The following P2RY8 variants were observed in gnomAD, a reference collection of about 807,000 sequenced individuals.
The protein encoded by P2RY8 is P2Y receptor family member 8.
P2RY8 carries 6 observed loss-of-function variants against 10.0 expected under a neutral mutation model. The observed-to-expected ratio is 0.60, with a 90% CI of 0.33 to 1.19. The LOEUF (loss-of-function observed/expected upper bound fraction) is 1.19. Ranked by LOEUF, P2RY8 falls within the 50% of genes most tolerant of loss-of-function variation. P2RY8 has a pLI of 0.04. For missense variants in P2RY8, 456 were observed against 542.0 expected (o/e 0.84, Z 1.58); for synonymous variants, 276 against 252.5 (o/e 1.09, Z -0.88).
chrX:1,468,414 G>A (rs2091723084), intron 1 of P2RY8, among the ~76,000 whole-genome samples: 2 of 152,170 alleles, frequency 1.3e-5, no homozygotes, highest in Admixed American at 1.3e-4. Context: ...GCCATTTCGA[G>A]TCTGTGCCCT....
intron 1 of P2RY8, among the ~76,000 whole-genome samples, chrX:1,522,142 C>T (rs1204756482): frequency 6.6e-6 from 1 of 150,386 alleles, no homozygotes. Flanking sequence ...TTAGTAGAGA[C>T]GGGGGTTTCA....
chrX:1,509,975 A>G (rs1436324458), intron 1 of P2RY8, among the ~76,000 whole-genome samples: 3 of 69,710 alleles, frequency 4.3e-5, no homozygotes, highest in African/African-American at 1.8e-4. Flanking sequence ...GCATCCATCC[A>G]TCCATCCATC....
chrX:1,516,227 C>T (rs866616042), intron 1 of P2RY8, among the ~76,000 whole-genome samples: 1 of 107,876 alleles, frequency 9.3e-6, no homozygotes. Context: ...AAAAAAAAAA[C>T]AGGAAGAGAC....
At chrX:1,496,300 G>T (rs140021132) in intron 1 of P2RY8, among the ~76,000 whole-genome samples, 1 of 152,130 alleles carries the variant, frequency 6.6e-6, no homozygotes, top group Non-Finnish European at 1.5e-5. Flanking sequence ...ATGCTCCCCC[G>T]CCAGCTTCTC....
At chrX:1,516,636 T>C (rs6645239) in intron 1 of P2RY8, among the ~76,000 whole-genome samples, 14,840 of 142,244 alleles carry the variant, frequency 0.1, 834 homozygotes, top group Middle Eastern at 0.17. Flanking sequence ...CAGCCCTGCC[T>C]ACACCTGGAT....
chrX:1,531,766 G>A (rs1402898341), intron 1 of P2RY8, among the ~76,000 whole-genome samples: 20 of 152,192 alleles, frequency 1.3e-4, no homozygotes, highest in African/African-American at 4.1e-4. Context: ...AAGCATCAAC[G>A]CAGTCCTCAA....
chrX:1,468,003 A>G (rs1249438054), intron 1 of P2RY8, among the ~76,000 whole-genome samples: 3 of 151,046 alleles, frequency 2.0e-5, no homozygotes, highest in East Asian at 2.0e-4. Context: ...TTTTATAGAT[A>G]CACAGTTTTG....
At chrX:1,485,418 C>T (rs771335054) in intron 1 of P2RY8, among the ~76,000 whole-genome samples, 26 of 151,728 alleles carry the variant, frequency 1.7e-4, no homozygotes, top group Non-Finnish European at 2.4e-4. Flanking sequence ...GGATTACAGG[C>T]GTGAGCCACT....
intron 1 of P2RY8, among the ~76,000 whole-genome samples, chrX:1,534,371 G>C (rs2092509210): frequency 6.6e-6 from 1 of 151,474 alleles, no homozygotes; most frequent in African/African-American, 2.4e-5. Flanking sequence ...GTGAACCGCA[G>C]AACACTCCCT....
Position 1,497,238 on chromosome X carries a change from A to G in P2RY8, c.-24-30656T>C, listed in dbSNP as rs1368919887. On this transcript the variant is annotated intron_variant, in intron 1 of 1. Coordinates refer to ENST00000381297, the MANE Select transcript of P2RY8 (RefSeq NM_178129.5). ...CTCCGTCTCAAAAAAAAAAAAAAAG[A>G]AAAGAAAAAGAAAAAAAAGAAACTC... Among the ~76,000 whole-genome samples, 70 of 50,870 alleles carry G rather than the reference A, an allele frequency of 1.4e-3. 2 individuals are homozygous for G. The Middle Eastern group carries it at 0.043, about 31-fold the overall frequency. The allele number at this position is 50,870 out of a possible 152,430, so 33.4% of individuals were successfully genotyped here. A position where few individuals can be genotyped will look rare whatever the true frequency, so the allele number is the denominator to read the frequency against.
chrX:1,467,256 T>C (rs1453725612), intron 1 of P2RY8, among the ~76,000 whole-genome samples: 2 of 152,062 alleles, frequency 1.3e-5, no homozygotes, highest in African/African-American at 4.8e-5. Flanking sequence ...AACACCCGCG[T>C]CAACCCACGG....
chrX:1,509,668 TCATCCATC>T (rs749271833), intron 1 of P2RY8, among the ~76,000 whole-genome samples: 18,475 of 122,050 alleles, frequency 0.15, 1,861 homozygotes, highest in Non-Finnish European at 0.22. Flanking sequence ...CTGTATGTGT[TCATCCATC>T]CATCCATCCA....
In P2RY8 at chrX:1,529,917, G is replaced by A. The variant is rs1259044128; in HGVS notation, c.-25+7004C>T. On this transcript the variant is annotated intron_variant, in intron 1 of 1. Transcript: ENST00000381297. ...CAGTTCTGGTTGTCGCAACTGTGGG[G>A]GTGCTCCTGGCATCTGGTGGGTGGA... Among the ~76,000 whole-genome samples, 17 of 151,492 alleles carry A rather than the reference G, an allele frequency of 1.1e-4. 1 individual carries two copies. The South Asian group carries it at 1.3e-3, about 11-fold the overall frequency.
chrX:1,534,122 T>A (rs1464625917), intron 1 of P2RY8, among the ~76,000 whole-genome samples: 1 of 130,024 alleles, frequency 7.7e-6, no homozygotes, highest in Non-Finnish European at 1.5e-5. Context: ...TTTACATATA[T>A]TATATATTTA....
chrX:1,528,924 T>C (rs1280060956), intron 1 of P2RY8, among the ~76,000 whole-genome samples: 2 of 152,228 alleles, frequency 1.3e-5, no homozygotes, highest in Non-Finnish European at 2.9e-5. Flanking sequence ...TTGGAGTCTC[T>C]GAATGTGCGT....
At chrX:1,516,362 A>C (rs1413503930) in intron 1 of P2RY8, among the ~76,000 whole-genome samples, 5 of 152,154 alleles carry the variant, frequency 3.3e-5, no homozygotes, top group African/African-American at 1.2e-4. Context: ...CGGTGTCTAC[A>C]AGCCCAGGAG....
chrX:1,477,261 C>A (rs1346591121), intron 1 of P2RY8, among the ~76,000 whole-genome samples: 27 of 149,378 alleles, frequency 1.8e-4, no homozygotes, highest in African/African-American at 6.2e-4. Context: ...GTTGATCTAA[C>A]CCCTGTCATC....
intron 1 of P2RY8, among the ~76,000 whole-genome samples, chrX:1,471,308 CATTTTTTTT>C (rs2091782727): frequency 2.8e-5 from 2 of 71,110 alleles, no homozygotes; most frequent in African/African-American, 5.2e-5. Flanking sequence ...GCGCCCAGCC[CATTTTTTTT>C]TTTTTTTTTT....
At position 1,487,816 on chromosome X, in the gene P2RY8, A is replaced by G. The variant is rs1296170450; in HGVS notation, c.-24-21234T>C. ...TTGGGGACAAGTCAGAATACGGGTA[A>G]AAAAGAAGGCCGGGCCAGGCGCGGT... On this transcript the variant is annotated intron_variant, in intron 1 of 1. Coordinates refer to ENST00000381297, the MANE Select transcript of P2RY8 (RefSeq NM_178129.5). Among the ~76,000 whole-genome samples the G allele has an allele frequency of 7.9e-5, 12 of 152,138 alleles. 1 individual carries two copies. Among genetic ancestry groups the G allele is most frequent in the Admixed American group, 7.9e-4 (12 of 15,270 alleles).
Sources: allele counts gnomAD v4.1 joint callset (sites outside exome capture counted in the v4.1 genomes callset), GRCh38; gene constraint gnomAD v4.1.1; transcripts MANE v1.5; gene names NCBI Gene and HGNC (gene_info 2026-07-23, HGNC 2026-07-21).